CDC37L1: variants seen among roughly 807,000 people sequenced by gnomAD.
CDC37L1 encodes hsp90 co-chaperone Cdc37-like 1.
In CDC37L1, 32 loss-of-function variants were observed where a neutral mutation model predicts 45.9. The ratio of observed to expected loss-of-function variants is 0.70; its 90% CI spans 0.53 to 0.94. The LOEUF is 0.94. Ranked by LOEUF, CDC37L1 falls within the 40% of genes least tolerant of loss-of-function variation. CDC37L1 has a pLI of 0.00. For missense variants in CDC37L1, 434 were observed against 405.7 expected (o/e 1.07, Z -0.60); for synonymous variants, 150 against 133.0 (o/e 1.13, Z -0.88).
intron 1 of CDC37L1, among the ~76,000 whole-genome samples, chr9:4,680,211 G>C (rs1368968125): frequency 6.6e-6 from 1 of 152,140 alleles, no homozygotes; most frequent in Non-Finnish European, 1.5e-5. Flanking sequence ...ATTTGGGGCG[G>C]CTCATGCTGT....
chr9:4,704,496 A>G (rs1156394568), intron 6 of CDC37L1, among the ~76,000 whole-genome samples: 1 of 152,174 alleles, frequency 6.6e-6, no homozygotes, highest in African/African-American at 2.4e-5. Context: ...GTTCTTAGGA[A>G]GATGGGTGGA....
chr9:4,685,469 A>G (rs1350569210), intron 2 of CDC37L1: 1 of 243,750 alleles, frequency 4.1e-6, no homozygotes, highest in Non-Finnish European at 8.1e-6. Flanking sequence ...TATATCAGTT[A>G]TGAAATATTT....
chr9:4,700,894 A>G (rs914852155), intron 5 of CDC37L1, among the ~76,000 whole-genome samples: 2 of 152,260 alleles, frequency 1.3e-5, no homozygotes, highest in African/African-American at 4.8e-5. Context: ...TGCAATGAGG[A>G]CAGCAATTGT....
rs1483308419 is a variant in CDC37L1, at chr9:4,685,105, GAGA to G, written c.365_367del (p.Lys122del). 9 of 1,613,796 alleles carry G rather than the reference GAGA, an allele frequency of 5.6e-6. No homozygotes were observed. The highest frequency in any genetic ancestry group is 5.0e-5 in the Admixed American group (3 of 60,008). Reference sequence around the variant, plus strand: ...GAAAGAAGAAGCTCTAGTACAAAGAGAGAAGATGTGTCTGTGGAGCACGGATGC... The same window carrying G: ...GAAAGAAGAAGCTCTAGTACAAAGAGAGATGTGTCTGTGGAGCACGGATGC... On this transcript the variant is annotated inframe_deletion, in exon 2 of 7. Coordinates refer to ENST00000381854, the MANE Select transcript of CDC37L1 (RefSeq NM_017913.4).
intron 5 of CDC37L1, among the ~76,000 whole-genome samples, chr9:4,701,045 T>C (rs1841391432): frequency 6.6e-6 from 1 of 152,244 alleles, no homozygotes; most frequent in African/African-American, 2.4e-5. Flanking sequence ...CACAGAACAC[T>C]CTCTGCATTA....
At chr9:4,689,668 G>GA (rs1462749601) in intron 3 of CDC37L1, among the ~76,000 whole-genome samples, 1 of 151,678 alleles carries the variant, frequency 6.6e-6, no homozygotes, top group African/African-American at 2.4e-5. Context: ...ATTTATAATG[G>GA]AAAAAAAATG....
chr9:4,680,902 C>A (rs1295098859), intron 1 of CDC37L1, among the ~76,000 whole-genome samples: 2 of 152,184 alleles, frequency 1.3e-5, no homozygotes, highest in Non-Finnish European at 2.9e-5. Flanking sequence ...CATTATCAAT[C>A]TTATGTCCAG....
intron 3 of CDC37L1, among the ~76,000 whole-genome samples, chr9:4,696,198 TACTGATGTGG>T (rs1563771075): frequency 6.6e-6 from 1 of 152,244 alleles, no homozygotes; most frequent in East Asian, 1.9e-4. Flanking sequence ...CTTTCTTGTG[TACTGATGTGG>T]AATTAAATAT....
Position 4,707,342 on chromosome 9 carries a change from G to C in CDC37L1, c.*1230G>C, listed in dbSNP as rs551977077. 7.4e-6 allele frequency: 1 copy of C among 135,430 alleles called. No individual in the cohort carries two copies. Among genetic ancestry groups the C allele is most frequent in the Admixed American group, 7.4e-5 (1 of 13,556 alleles). 8.4% of individuals were successfully genotyped at this position (135,430 alleles called of 1,614,324 possible). On this transcript the variant is annotated 3_prime_UTR_variant, in exon 7 of 7. Coordinates refer to ENST00000381854, the MANE Select transcript of CDC37L1 (RefSeq NM_017913.4). The stretch of plus-strand genomic sequence containing the variant: ...AATCTTATGACTTAACATAAGCTTT[G>C]GTTATATTTGGGTGTAGTCTTTGGC...
At chr9:4,702,888 C>CAAAAAA (rs397829063) in intron 6 of CDC37L1, among the ~76,000 whole-genome samples, 5 of 42,966 alleles carry the variant, frequency 1.2e-4, no homozygotes, top group South Asian at 1.1e-3. Flanking sequence ...GACTCCGTCT[C>CAAAAAA]AAAAAAAAAA....
rs2130857950 is a variant in CDC37L1 at position 4,708,142 on chromosome 9, T to C, written c.*2030T>C. 1 of 152,354 alleles carries C rather than the reference T, an allele frequency of 6.6e-6. No homozygotes were observed. The highest frequency in any genetic ancestry group is 1.5e-5 in the Non-Finnish European group (1 of 68,020). 9.4% of individuals were successfully genotyped at this position (152,354 alleles called of 1,614,324 possible). ...ACTTAAAGGCTATAAATTACATAGT[T>C]AGCCGTACTTTAGTACTAGAAACAG... On this transcript the variant is annotated 3_prime_UTR_variant, in exon 7 of 7. Coordinates refer to ENST00000381854, the MANE Select transcript of CDC37L1 (RefSeq NM_017913.4).
At chr9:4,701,471 G>A (rs1841395318) in intron 5 of CDC37L1, among the ~76,000 whole-genome samples, 1 of 152,178 alleles carries the variant, frequency 6.6e-6, no homozygotes, top group Non-Finnish European at 1.5e-5. Context: ...AAGGTTTTAA[G>A]AATATCCCTT....
At position 4,704,828 on chromosome 9, in the gene CDC37L1, T is replaced by C. The variant is rs867153939; in HGVS notation, c.913-1183T>C. Among the ~76,000 whole-genome samples the C allele has an allele frequency of 2.6e-5, 4 of 152,154 alleles. 1 individual carries two copies. In the South Asian group the frequency reaches 8.3e-4, roughly 32 times the overall value. ...GGTCTAATCCAAGGCCTCTTGGATA[T>C]AGAAATAATAACAGTTAACTTTAGG... is the stretch of plus-strand genomic sequence containing the variant. On this transcript the variant is annotated intron_variant, in intron 6 of 6. Transcript: ENST00000381854.
At chr9:4,701,785 T>C in intron 5 of CDC37L1, 79 bp from the exon 6 acceptor site, 1 of 1,049,730 alleles carries the variant, frequency 9.5e-7, no homozygotes, top group Non-Finnish European at 1.4e-6. Flanking sequence ...ACTTCAAACC[T>C]GTTATATGCT....
chr9:4,685,753 C>A (rs575644477), intron 2 of CDC37L1, among the ~76,000 whole-genome samples: 73 of 152,244 alleles, frequency 4.8e-4, no homozygotes, highest in Non-Finnish European at 7.9e-4. Context: ...GGTTTTATAC[C>A]TCAGTTTTCC....
intron 6 of CDC37L1, among the ~76,000 whole-genome samples, chr9:4,703,373 G>T (rs1407907173): frequency 2.2e-5 from 3 of 137,252 alleles, no homozygotes; most frequent in Non-Finnish European, 4.7e-5. Context: ...AAAAAAAAAA[G>T]TCTCAAGGAT....
intron 1 of CDC37L1, among the ~76,000 whole-genome samples, chr9:4,680,410 C>T (rs145708451): frequency 1.2e-4 from 18 of 152,326 alleles, no homozygotes; most frequent in African/African-American, 1.9e-4. Context: ...CTTTAAATCT[C>T]GCTTTTGACG....
At chr9:4,699,485 A>C (rs902965522) in intron 5 of CDC37L1, among the ~76,000 whole-genome samples, 1 of 152,200 alleles carries the variant, frequency 6.6e-6, no homozygotes, top group Non-Finnish European at 1.5e-5. Context: ...AAAACAAGAG[A>C]GTGAATCAAA....
intron 5 of CDC37L1, among the ~76,000 whole-genome samples, chr9:4,700,296 T>C (rs3852398): frequency 0.49 from 74,507 of 151,940 alleles, 21,165 homozygotes; most frequent in African/African-American, 0.78. Context: ...GCTGGGACTA[T>C]AGGCACATGC....
Sources: gnomAD v4.1 joint callset for allele counts (sites outside exome capture counted in the v4.1 genomes callset) on GRCh38, gnomAD v4.1.1 for gene constraint, MANE v1.5 for transcripts, NCBI Gene and HGNC (gene_info 2026-07-23, HGNC 2026-07-21) for gene names.